The following TACC2 variants were observed in gnomAD, a reference collection of about 807,000 sequenced individuals.
TACC2 encodes transforming acidic coiled-coil containing protein 2, also known as transforming acidic coiled-coil-containing protein 2.
A neutral mutation model predicts 227.3 loss-of-function variants in TACC2; 137 were observed. The observed-to-expected ratio is 0.60, with a 90% confidence interval of 0.52 to 0.69. The LOEUF (loss-of-function observed/expected upper bound fraction) is 0.69. Among genes scored for constraint, TACC2 ranks in the 30% least tolerant of loss-of-function variants. TACC2 has a pLI of 0.00. For synonymous variants in TACC2, 1,523 were observed against 1,487.5 expected, an observed-to-expected ratio of 1.02 and a Z score of -0.55; for missense variants, 3,470 against 3,694.4, an observed-to-expected ratio of 0.94 and a Z score of 1.57.
At chr10:122,153,456 C>T (rs907845298) in intron 7 of TACC2, among the ~76,000 whole-genome samples, 10 of 152,224 alleles carry the variant, frequency 6.6e-5, no homozygotes, top group Non-Finnish European at 1.3e-4. Context: ...TGGGTTGGGT[C>T]ATCTCATATC....
intron 19 of TACC2, chr10:122,247,058 G>A (rs2141868622): frequency 6.5e-6 from 1 of 152,750 alleles, no homozygotes; most frequent in South Asian, 2.1e-4. Flanking sequence ...GAGGGTAGAG[G>A]GCAGAGCATG....
Position 122,160,174 on chromosome 10 carries a change from A to G in TACC2, c.5834+16468A>G, listed in dbSNP as rs919424586. On this transcript the variant is annotated intron_variant, in intron 7 of 22. Coordinates refer to ENST00000369005, the MANE Select transcript of TACC2 (RefSeq NM_206862.4). ...ATAAACGTTGAACTGCTTTTTAGAA[A>G]TGATGGATGCATTCCTTGATTTATC... Among the ~76,000 whole-genome samples, 19 of 152,240 alleles carry G rather than the reference A, an allele frequency of 1.2e-4. 1 individual carries two copies. Among genetic ancestry groups the G allele is most frequent in the African/African-American group, 4.6e-4 (19 of 41,460 alleles).
At chr10:122,108,388 T>TC (rs1565322128) in intron 5 of TACC2, among the ~76,000 whole-genome samples, 8 of 146,576 alleles carry the variant, frequency 5.5e-5, no homozygotes, top group Admixed American at 1.4e-4. Context: ...CGCTCTCTCT[T>TC]TCTCTCTCTC....
At chr10:122,057,291 G>A (rs2076302924) in intron 3 of TACC2, among the ~76,000 whole-genome samples, 1 of 152,196 alleles carries the variant, frequency 6.6e-6, no homozygotes, top group African/African-American at 2.4e-5. Flanking sequence ...CACTGGAGGG[G>A]TGGAGGGTGC....
chr10:122,077,072 G>A (rs1473223841), intron 3 of TACC2, among the ~76,000 whole-genome samples: 2 of 141,684 alleles, frequency 1.4e-5, no homozygotes, highest in Admixed American at 7.6e-5. Flanking sequence ...CAGAGATTGC[G>A]CCACTGCACT....
At chr10:122,188,781 A>G (rs1205712289) in intron 7 of TACC2, among the ~76,000 whole-genome samples, 1 of 152,176 alleles carries the variant, frequency 6.6e-6, no homozygotes, top group East Asian at 1.9e-4. Flanking sequence ...ATCACAACAT[A>G]GCCACGAAGT....
intron 5 of TACC2, among the ~76,000 whole-genome samples, chr10:122,099,959 CT>C (rs1482017186): frequency 3.3e-5 from 5 of 152,174 alleles, no homozygotes; most frequent in African/African-American, 1.2e-4. Context: ...TGGGGTGACA[CT>C]TTTGCTTTCA....
chr10:122,233,435 G>A (rs182956571), intron 16 of TACC2, among the ~76,000 whole-genome samples: 67 of 152,324 alleles, frequency 4.4e-4, no homozygotes, highest in Non-Finnish European at 7.2e-4. Context: ...CAAGCTTCAG[G>A]AAGGGGGCAA....
intron 8 of TACC2, among the ~76,000 whole-genome samples, chr10:122,195,481 C>G (rs2094536358): frequency 6.6e-6 from 1 of 152,148 alleles, no homozygotes. Context: ...GCCCCTTGCT[C>G]TTTTAAGAAC....
At chr10:122,198,916 G>C (rs1426626867) in intron 8 of TACC2, among the ~76,000 whole-genome samples, 3 of 152,354 alleles carry the variant, frequency 2.0e-5, no homozygotes, top group Middle Eastern at 3.4e-3. Flanking sequence ...CCGAGGCAAA[G>C]GATGGGGCAA....
chr10:122,097,448 G>T (rs1320599523), intron 5 of TACC2, among the ~76,000 whole-genome samples: 2 of 152,154 alleles, frequency 1.3e-5, no homozygotes, highest in African/African-American at 4.8e-5. Flanking sequence ...GAGAGGGCAG[G>T]GTGCGCCTAG....
chr10:122,190,133 G>A (rs1235571027), intron 7 of TACC2, among the ~76,000 whole-genome samples: 1 of 152,208 alleles, frequency 6.6e-6, no homozygotes, highest in Non-Finnish European at 1.5e-5. Flanking sequence ...ACATATGGGT[G>A]TATATATGTG....
intron 16 of TACC2, among the ~76,000 whole-genome samples, chr10:122,233,692 T>TC (rs2095802491): frequency 6.6e-6 from 1 of 152,074 alleles, no homozygotes; most frequent in African/African-American, 2.4e-5. Flanking sequence ...AAGCCACAAG[T>TC]ACAGCCTGAG....
intron 16 of TACC2, among the ~76,000 whole-genome samples, chr10:122,233,790 C>T (rs1371219107): frequency 2.0e-5 from 3 of 152,078 alleles, no homozygotes; most frequent in African/African-American, 4.8e-5. Context: ...TGTCTTGACT[C>T]GGTGGGCAGG....
At chr10:122,248,532 T>A (rs1346720764) in intron 19 of TACC2, 111 bp from the exon 20 acceptor site, 1 of 1,274,520 alleles carries the variant, frequency 7.8e-7, no homozygotes, top group Admixed American at 1.9e-5. Context: ...AGCTGGGGTT[T>A]GAGATGCCCC....
In TACC2 at chr10:122,121,358, A is replaced by ACTGT. The variant is rs2085755315; in HGVS notation, c.5574-11249_5574-11246dup. On this transcript the variant is annotated intron_variant, in intron 5 of 22. Transcript: ENST00000369005. Reference sequence around the variant, plus strand: ...CCTCTCCACTCCCTCTCCAGGAAGGACTGTCATTGCCATCTTTGACAGATG... The same window carrying ACTGT: ...CCTCTCCACTCCCTCTCCAGGAAGGACTGTCTGTCATTGCCATCTTTGACAGATG... Among the ~76,000 whole-genome samples, 3 of 152,274 alleles carry ACTGT rather than the reference A, an allele frequency of 2.0e-5. No individual in the cohort carries two copies. In the South Asian group the frequency reaches 6.2e-4, roughly 32 times the overall value.
intron 2 of TACC2, among the ~76,000 whole-genome samples, chr10:122,028,935 CGCCTT>C (rs1428664642): frequency 7.6e-5 from 1 of 13,136 alleles, no homozygotes; most frequent in African/African-American, 5.0e-4. Flanking sequence ...TCCCTCCCCT[CGCCTT>C]CCCTTCCCTT....
intron 7 of TACC2, among the ~76,000 whole-genome samples, chr10:122,190,014 G>T: frequency 6.6e-6 from 1 of 152,168 alleles, no homozygotes; most frequent in Non-Finnish European, 1.5e-5. Context: ...ATTATCTCCA[G>T]TAAAACTTGA....
chr10:122,004,678 C>G (rs906890387), intron 1 of TACC2, among the ~76,000 whole-genome samples: 1 of 152,088 alleles, frequency 6.6e-6, no homozygotes, highest in Non-Finnish European at 1.5e-5. Flanking sequence ...TTCCCGAGCT[C>G]CCTGTCCTCC....
Sources: allele counts gnomAD v4.1 joint callset (sites outside exome capture counted in the v4.1 genomes callset), GRCh38; gene constraint gnomAD v4.1.1; transcripts MANE v1.5; gene names NCBI Gene and HGNC (gene_info 2026-07-23, HGNC 2026-07-21).